The following KIAA1217 variants were observed in gnomAD, a reference collection of about 807,000 sequenced individuals.
The protein encoded by KIAA1217 is KIAA1217.
KIAA1217 carries 88 observed loss-of-function variants against 163.9 expected under a neutral mutation model. The observed-to-expected ratio is 0.54, with a 90% confidence interval of 0.45 to 0.64. The LOEUF is 0.64. KIAA1217 is among the 30% of genes least tolerant of loss of function. The pLI is 0.00. For synonymous variants in KIAA1217, 903 were observed against 923.1 expected, an observed-to-expected ratio of 0.98 and a Z score of 0.39; for missense variants, 2,372 against 2,475.0, an observed-to-expected ratio of 0.96 and a Z score of 0.88.
At chr10:24,265,537 C>G (rs767659391) in intron 2 of KIAA1217, among the ~76,000 whole-genome samples, 6 of 152,160 alleles carry the variant, frequency 3.9e-5, no homozygotes, top group Non-Finnish European at 7.3e-5. Flanking sequence ...CTTGGTGCAA[C>G]TCAGAGTTGG....
chr10:24,364,717 G>T (rs1470576432), intron 2 of KIAA1217, among the ~76,000 whole-genome samples: 1 of 152,070 alleles, frequency 6.6e-6, no homozygotes, highest in Non-Finnish European at 1.5e-5. Context: ...ACAGTTCGGA[G>T]GCTTTGAGCA....
At chr10:24,296,696 G>GATTTGTTAA (rs757932780) in intron 2 of KIAA1217, among the ~76,000 whole-genome samples, 1 of 152,108 alleles carries the variant, frequency 6.6e-6, no homozygotes, top group African/African-American at 2.4e-5. Flanking sequence ...TAAAATCTTG[G>GATTTGTTAA]ATTTGTTATT....
At chr10:24,315,930 G>GC (rs746487865) in intron 2 of KIAA1217, among the ~76,000 whole-genome samples, 3 of 25,868 alleles carry the variant, frequency 1.2e-4, no homozygotes, top group Non-Finnish European at 1.6e-4. Context: ...TTTATCTAAT[G>GC]GGGGGGGGGA....
rs577546172 is a variant in KIAA1217, at chr10:24,111,788, C to A, written c.-171+104414C>A. 6.0e-4 allele frequency among the ~76,000 whole-genome samples: 91 copies of A among 152,016 alleles called. 1 individual carries two copies. Among genetic ancestry groups the A allele is most frequent in the South Asian group, 3.5e-3 (17 of 4,810 alleles). ...AGTTTTTTTGAGTTTTGTTTTTTTGCGACAGGGTCTTGGCTGTCATTCAGG... is the reference window on the plus strand; with the variant it reads ...AGTTTTTTTGAGTTTTGTTTTTTTGAGACAGGGTCTTGGCTGTCATTCAGG... On this transcript the variant is annotated intron_variant, in intron 2 of 18. Coordinates refer to the KIAA1217 transcript ENST00000376462.
chr10:24,081,572 G>A (rs186986771), intron 2 of KIAA1217, among the ~76,000 whole-genome samples: 4 of 152,178 alleles, frequency 2.6e-5, no homozygotes, highest in Non-Finnish European at 5.9e-5. Context: ...TTCTTGCCTT[G>A]CTTTTCACCT....
At chr10:24,266,102 G>A (rs2076208819) in intron 2 of KIAA1217, among the ~76,000 whole-genome samples, 1 of 148,814 alleles carries the variant, frequency 6.7e-6, no homozygotes, top group Non-Finnish European at 1.5e-5. Context: ...TTTTTGAGAC[G>A]GAGTCTCACC....
chr10:24,268,960 C>G (rs1274209573), intron 2 of KIAA1217, among the ~76,000 whole-genome samples: 7 of 144,232 alleles, frequency 4.9e-5, no homozygotes, highest in African/African-American at 1.8e-4. Context: ...ATCGCAAGGA[C>G]AAAAAACCAA....
At chr10:23,948,378 C>T (rs1317578776) in intron 1 of KIAA1217, among the ~76,000 whole-genome samples, 2 of 152,128 alleles carry the variant, frequency 1.3e-5, no homozygotes, top group Non-Finnish European at 2.9e-5. Context: ...ATCTGCTTAC[C>T]AGGGTTTCAA....
At chr10:23,851,864 GT>G (rs1232351518) in intron 1 of KIAA1217, among the ~76,000 whole-genome samples, 6 of 150,990 alleles carry the variant, frequency 4.0e-5, no homozygotes, top group African/African-American at 9.8e-5. Context: ...GGGGTTGTTT[GT>G]TTTTTTCTTG....
chr10:24,159,790 A>G (rs1191226626), intron 2 of KIAA1217, among the ~76,000 whole-genome samples: 4 of 152,178 alleles, frequency 2.6e-5, no homozygotes, highest in African/African-American at 9.7e-5. Context: ...CTCAAAAAAA[A>G]AAATAGTTTT....
chr10:23,972,280 A>T (rs1191161190), intron 1 of KIAA1217, among the ~76,000 whole-genome samples: 3 of 152,252 alleles, frequency 2.0e-5, no homozygotes, highest in Non-Finnish European at 4.4e-5. Flanking sequence ...GCAAAGAAAT[A>T]TAAATCATTC....
intron 1 of KIAA1217, among the ~76,000 whole-genome samples, chr10:23,857,762 A>G (rs1018805783): frequency 6.6e-6 from 1 of 151,962 alleles, no homozygotes; most frequent in African/African-American, 2.4e-5. Flanking sequence ...GAACTTTACA[A>G]AGAATCAGCT....
At position 24,194,143 on chromosome 10, in the gene KIAA1217, C is replaced by T. The variant is rs190964478; in HGVS notation, c.-170-25483C>T. Among the ~76,000 whole-genome samples the T allele has an allele frequency of 2.2e-3, 342 of 152,178 alleles. 1 individual carries two copies. The highest frequency in any genetic ancestry group is 6.0e-3 in the Admixed American group (91 of 15,290). On this transcript the variant is annotated intron_variant, in intron 2 of 18. Transcript: ENST00000376462. ...CAGAGGTTGCAGTGAGCTGAGATCA[C>T]ACCCCTGCACTCCAGCCTGGGTGAC...
intron 2 of KIAA1217, among the ~76,000 whole-genome samples, chr10:24,287,115 A>G (rs1221187293): frequency 6.6e-6 from 1 of 151,270 alleles, no homozygotes; most frequent in Non-Finnish European, 1.5e-5. Context: ...AGTTGGTGTG[A>G]TCTCGGCTCA....
chr10:24,049,856 G>T (rs888479385), intron 2 of KIAA1217, among the ~76,000 whole-genome samples: 1 of 152,024 alleles, frequency 6.6e-6, no homozygotes, highest in African/African-American at 2.4e-5. Flanking sequence ...TGGTATTTCT[G>T]GTTCTAGATC....
chr10:24,069,829 C>G (rs2131625169), intron 2 of KIAA1217, among the ~76,000 whole-genome samples: 1 of 152,208 alleles, frequency 6.6e-6, no homozygotes, highest in East Asian at 1.9e-4. Flanking sequence ...ATTTTTCTTT[C>G]TTTCCATTTT....
At chr10:24,306,245 G>A (rs1377587899) in intron 2 of KIAA1217, among the ~76,000 whole-genome samples, 1 of 152,154 alleles carries the variant, frequency 6.6e-6, no homozygotes, top group Non-Finnish European at 1.5e-5. Flanking sequence ...TTGGAAATCA[G>A]TCATCATAGA....
At chr10:23,895,563 C>G (rs1480054491) in intron 1 of KIAA1217, among the ~76,000 whole-genome samples, 1 of 152,072 alleles carries the variant, frequency 6.6e-6, no homozygotes, top group Non-Finnish European at 1.5e-5. Context: ...ACTAGTTCAG[C>G]CATTGTGGAA....
chr10:24,054,838 A>C (rs904738736), intron 2 of KIAA1217, among the ~76,000 whole-genome samples: 1 of 152,230 alleles, frequency 6.6e-6, no homozygotes, highest in African/African-American at 2.4e-5. Context: ...CACAACGGTA[A>C]GTATCTGTAC....
Sources: allele counts gnomAD v4.1 joint callset (sites outside exome capture counted in the v4.1 genomes callset), GRCh38; gene constraint gnomAD v4.1.1; transcripts MANE v1.5; gene names NCBI Gene and HGNC (gene_info 2026-07-23, HGNC 2026-07-21).